LAMC3: variants seen among roughly 807,000 people sequenced by gnomAD.
The protein encoded by LAMC3 is laminin subunit gamma-3.
In LAMC3, 128 loss-of-function variants were observed where a neutral mutation model predicts 173.8. The observed-to-expected ratio is 0.74, with a 90% CI of 0.64 to 0.85. The LOEUF is 0.85. Ranked by LOEUF, LAMC3 falls within the 40% of genes least tolerant of loss-of-function variation. The pLI is 0.00. For synonymous variants in LAMC3, 897 were observed against 909.1 expected (o/e 0.99, Z 0.24); for missense variants, 2,022 against 2,156.0 (o/e 0.94, Z 1.23).
intron 22 of LAMC3, among the ~76,000 whole-genome samples, chr9:131,078,711 G>A (rs1187471060): frequency 6.6e-6 from 1 of 152,186 alleles, no homozygotes; most frequent in Non-Finnish European, 1.5e-5. Flanking sequence ...CTATAAGTCT[G>A]GGAAATTCTG....
At chr9:131,040,146 T>G (rs1183474563) in intron 6 of LAMC3, among the ~76,000 whole-genome samples, 1 of 151,226 alleles carries the variant, frequency 6.6e-6, no homozygotes, top group African/African-American at 2.4e-5. Flanking sequence ...TCTGAGTAGC[T>G]GGGATTACAA....
chr9:131,087,249 C>T (rs1830347348), intron 25 of LAMC3, among the ~76,000 whole-genome samples: 1 of 152,222 alleles, frequency 6.6e-6, no homozygotes, highest in Non-Finnish European at 1.5e-5. Context: ...TGTTTCCTCA[C>T]CTGTAAAATA....
chr9:131,013,030 G>C (rs1833452628), intron 1 of LAMC3, among the ~76,000 whole-genome samples: 1 of 152,246 alleles, frequency 6.6e-6, no homozygotes, highest in African/African-American at 2.4e-5. Context: ...AGTCAGTGGG[G>C]TGTTGGGGGA....
At chr9:131,025,178 G>T (rs576900787) in intron 1 of LAMC3, among the ~76,000 whole-genome samples, 1 of 152,118 alleles carries the variant, frequency 6.6e-6, no homozygotes, top group African/African-American at 2.4e-5. Context: ...TCCGCCCGGC[G>T]CTCTCTGAGC....
chr9:131,036,047 G>A, intron 3 of LAMC3, 119 bp from the exon 4 acceptor site: 1 of 1,036,804 alleles, frequency 9.6e-7, no homozygotes, highest in Non-Finnish European at 1.5e-6. Flanking sequence ...GTTCAGTGAG[G>A]GCCAAGATTG....
At chr9:131,065,034 C>G (rs557517902) in intron 13 of LAMC3, among the ~76,000 whole-genome samples, 126 of 82,902 alleles carry the variant, frequency 1.5e-3, no homozygotes, top group African/African-American at 7.3e-3. Context: ...GAACAAGACT[C>G]CATCTAAAAA....
intron 19 of LAMC3, 136 bp downstream of exon 19, chr9:131,072,971 C>A (rs1588164545): frequency 1.2e-6 from 1 of 838,008 alleles, no homozygotes; most frequent in East Asian, 2.7e-5. Flanking sequence ...AAGTGGGGAT[C>A]ACACAGTGCC....
intron 1 of LAMC3, among the ~76,000 whole-genome samples, chr9:131,013,915 G>A (rs1833471123): frequency 1.3e-5 from 2 of 152,250 alleles, no homozygotes; most frequent in Admixed American, 1.3e-4. Flanking sequence ...CTGTCGAGTG[G>A]GCGGCTGCGA....
At chr9:131,018,355 G>A (rs374266169) in intron 1 of LAMC3, among the ~76,000 whole-genome samples, 61 of 151,838 alleles carry the variant, frequency 4.0e-4, no homozygotes, top group African/African-American at 1.3e-3. Flanking sequence ...GGGTGGTCTC[G>A]AACTCCTGAG....
At chr9:131,022,215 A>AACACACAC (rs56948132) in intron 1 of LAMC3, among the ~76,000 whole-genome samples, 9,281 of 144,680 alleles carry the variant, frequency 0.064, 424 homozygotes, top group African/African-American at 0.13. Context: ...TGTGGATGAA[A>AACACACAC]ACACACACAC....
chr9:131,016,465 G>A (rs1833521323), intron 1 of LAMC3, among the ~76,000 whole-genome samples: 1 of 152,220 alleles, frequency 6.6e-6, no homozygotes, highest in Admixed American at 6.5e-5. Context: ...TTGGCAACAT[G>A]GTTGAAGACC....
At chr9:131,040,755 C>T (rs1199132167) in intron 6 of LAMC3, among the ~76,000 whole-genome samples, 2 of 152,168 alleles carry the variant, frequency 1.3e-5, no homozygotes, top group African/African-American at 2.4e-5. Flanking sequence ...CTCAGCTGAG[C>T]AGCCCCGCTC....
chr9:131,059,779 G>T (rs1031137098), intron 12 of LAMC3, among the ~76,000 whole-genome samples: 2 of 152,240 alleles, frequency 1.3e-5, no homozygotes, highest in Non-Finnish European at 2.9e-5. Context: ...GTCCTCATCT[G>T]TGAAACGGGC....
At chr9:131,061,873 G>C (rs879257872) in intron 13 of LAMC3, among the ~76,000 whole-genome samples, 6 of 93,240 alleles carry the variant, frequency 6.4e-5, no homozygotes, top group Non-Finnish European at 1.1e-4. Flanking sequence ...AACATAGTGA[G>C]ACTCCCATCT....
chr9:131,036,409 T>C, intron 4 of LAMC3, 77 bp downstream of exon 4: 1 of 1,538,250 alleles, frequency 6.5e-7, no homozygotes, highest in Admixed American at 1.7e-5. Flanking sequence ...CCCCAAAACG[T>C]CGTGGTGGGG....
intron 22 of LAMC3, among the ~76,000 whole-genome samples, chr9:131,077,676 CAAAAAAAAAAAAAAAAAAAAAAAAAAA>C (rs56320740): frequency 3.6e-5 from 1 of 27,710 alleles, no homozygotes; most frequent in African/African-American, 1.3e-4. Flanking sequence ...GACTCCATCT[CAAAAAAAAAAAAAAAAAAAAAAAAAAA>C]AAAAAAAAAA....
chr9:131,055,776 T>C (rs1834393195), intron 11 of LAMC3, among the ~76,000 whole-genome samples: 1 of 152,056 alleles, frequency 6.6e-6, no homozygotes, highest in Admixed American at 6.6e-5. Context: ...GTACACATTA[T>C]AGTTGATCTA....
At position 131,085,809 on chromosome 9, in the gene LAMC3, GACT is replaced by G. The variant is rs1830322737; in HGVS notation, c.4230+90_4230+92del. ...CGGGCCCCTTCCCGACATCCGTGCT[GACT>G]ACTCCGCACTCACTCACTGCTCAGT... On this transcript the variant is annotated intron_variant, in intron 25 of 27. Transcript: ENST00000361069. 3.1e-6 allele frequency: 4 copies of G among 1,281,438 alleles called. No homozygotes were observed. In the Admixed American group the frequency reaches 7.5e-5, roughly 24 times the overall value. 79.4% of individuals were successfully genotyped at this position (1,281,438 alleles called of 1,614,324 possible).
At chr9:131,023,768 C>T (rs1833671293) in intron 1 of LAMC3, among the ~76,000 whole-genome samples, 1 of 152,060 alleles carries the variant, frequency 6.6e-6, no homozygotes, top group Non-Finnish European at 1.5e-5. Context: ...ATGCTCAGCT[C>T]ATTTTTTATA....
Sources: gnomAD v4.1 joint callset for allele counts (sites outside exome capture counted in the v4.1 genomes callset) on GRCh38, gnomAD v4.1.1 for gene constraint, MANE v1.5 for transcripts, NCBI Gene and HGNC (gene_info 2026-07-23, HGNC 2026-07-21) for gene names.